Variants in ZNF500 observed in about 807,000 individuals in gnomAD.
ZNF500 encodes the protein zinc finger protein 500, also known as zinc finger protein with KRAB and SCAN domains 18.
In ZNF500, 31 loss-of-function variants were observed where a neutral mutation model predicts 30.1. The observed-to-expected ratio is 1.03, with a 90% confidence interval of 0.77 to 1.39. The LOEUF is 1.39. ZNF500 is among the 40% of genes most tolerant of loss of function. The probability of loss-of-function intolerance (pLI) is 0.00; values close to 1 mark genes in which losing one functional copy is unlikely to be tolerated. For missense variants in ZNF500, 817 were observed against 657.8 expected (o/e 1.24, Z -2.65); for synonymous variants, 392 against 282.0 (o/e 1.39, Z -3.91).
downstream of ZNF500, chr16:4,746,491 C>T: frequency 6.2e-7 from 1 of 1,613,738 alleles, no homozygotes; most frequent in Non-Finnish European, 8.5e-7. Context: ...ATGGAGCTAC[C>T]AGACCACCTG....
At chr16:4,747,688 G>GT (rs1389008000), downstream of ZNF500, 5 of 1,511,452 alleles carry the variant, frequency 3.3e-6, no homozygotes, top group African/African-American at 6.9e-5. Context: ...TGGACCCTGG[G>GT]CCCCGGTGTC....
rs185566068 is a variant in ZNF500, at chr16:4,749,944, G to A, written c.*2432C>T. 3.3e-3 allele frequency: 503 copies of A among 152,488 alleles called. 6 individuals carry two copies. Among genetic ancestry groups the A allele is most frequent in the Admixed American group, 0.012 (183 of 15,304 alleles). The allele number at this position is 152,488 out of a possible 1,614,324, so 9.4% of individuals were successfully genotyped here. On this transcript the variant is annotated 3_prime_UTR_variant, in exon 6 of 6. Coordinates refer to ENST00000219478, the MANE Select transcript of ZNF500 (RefSeq NM_021646.4). Reference sequence around the variant, plus strand: ...CTCCCATCACGTGAGTGCTGAGGATGACGCCCATGAGATGGGGCCAAGCAG... The same window carrying A: ...CTCCCATCACGTGAGTGCTGAGGATAACGCCCATGAGATGGGGCCAAGCAG...
chr16:4,764,996 T>A (rs1333824523), intron 2 of ZNF500, among the ~76,000 whole-genome samples: 1 of 151,472 alleles, frequency 6.6e-6, no homozygotes, highest in Non-Finnish European at 1.5e-5. Flanking sequence ...GCCGGACCTC[T>A]CTCCCACCAA....
chr16:4,747,288 G>A, downstream of ZNF500: 1 of 1,508,268 alleles, frequency 6.6e-7, no homozygotes, highest in Non-Finnish European at 8.9e-7. Flanking sequence ...AGTAAGGAGG[G>A]CTGGGAGGGG....
chr16:4,765,015 T>G (rs2082248781), intron 2 of ZNF500, among the ~76,000 whole-genome samples: 1 of 151,342 alleles, frequency 6.6e-6, no homozygotes, highest in Admixed American at 6.6e-5. Context: ...AAAACCTATG[T>G]TTGGGGCTGG....
rs754048578 is a variant in ZNF500, at chr16:4,765,694, C to T, written c.285G>A (p.Leu95=). 7 of 1,613,270 alleles carry T rather than the reference C, an allele frequency of 4.3e-6. No homozygotes were observed. The South Asian group carries it at 7.7e-5, about 18-fold the overall frequency. ...TKEQILELLV[L]EQFLTVLPGE... is the part of the protein sequence containing the mutation. ...CCGGCAGCACAGTCAGGAACTGCTC[C>T]AGCACCAGCAGCTCCAGGATCTGCT... The change falls in exon 2 of 6, where the codon CTG becomes CTA. Residue 95 remains leucine, a synonymous_variant. Coordinates refer to ENST00000219478, the MANE Select transcript of ZNF500 (RefSeq NM_021646.4).
rs780281616 is a variant in ZNF500, at chr16:4,752,974, C to T, written c.845G>A (p.Arg282Gln). The part of the protein sequence containing the change: ...RMEWYRVLSA[R>Q]CQGPGHPLPG... ...GAGCGGGTGGCCAGGCCCCTGGCAT[C>T]GTGCCGAGAGCACTCGGTACCACTC... is the stretch of plus-strand genomic sequence containing the variant. Residue 282 changes from arginine to glutamine, a missense_variant, in exon 6 of 6, where the codon CGA becomes CAA. Physicochemically the swap from Arg to Gln is conservative, Grantham distance 43 (BLOSUM62 1). Transcript: ENST00000219478. The T allele has an allele frequency of 2.7e-5, 44 of 1,606,094 alleles. No individual in the cohort carries two copies. Among genetic ancestry groups the T allele is most frequent in the Middle Eastern group, 1.6e-4 (1 of 6,066 alleles).
downstream of ZNF500, chr16:4,746,699 G>A (rs1034814044): frequency 3.4e-6 from 3 of 870,964 alleles, no homozygotes; most frequent in African/African-American, 1.7e-5. Context: ...AGGGGCATGA[G>A]GCACACCTCC....
At position 4,752,644 on chromosome 16, in the gene ZNF500, T is replaced by C. The variant is rs772345785; in HGVS notation, c.1175A>G (p.Gln392Arg). 2 of 1,612,402 alleles carry C rather than the reference T, an allele frequency of 1.2e-6. No individual in the cohort carries two copies. The highest frequency in any genetic ancestry group is 1.7e-6 in the Non-Finnish European group (2 of 1,179,326). The part of the protein sequence containing the change: ...PCPECGKRFS[Q>R]SSSLVIHRRT... ...GCGGTGGATGACCAGGCTGGAGCTCTGGCTGAAGCGCTTCCCACACTCGGG... is the reference window on the plus strand; with the variant it reads ...GCGGTGGATGACCAGGCTGGAGCTCCGGCTGAAGCGCTTCCCACACTCGGG... The change falls in exon 6 of 6, where the codon CAG becomes CGG. Residue 392 changes from glutamine (Q) to arginine (R), a missense_variant. Physicochemically the swap from Gln to Arg is conservative, Grantham distance 43. Coordinates refer to ENST00000219478, the MANE Select transcript of ZNF500 (RefSeq NM_021646.4).
At position 4,752,853 on chromosome 16, in the gene ZNF500, G is replaced by C. The variant is rs779237695; in HGVS notation, c.966C>G (p.Asp322Glu). 3 of 1,613,666 alleles carry C rather than the reference G, an allele frequency of 1.9e-6. No individual in the cohort carries two copies. The highest frequency in any genetic ancestry group is 1.7e-5 in the Admixed American group (1 of 59,948). Residue 322 changes from aspartate to glutamate, a missense_variant, in exon 6 of 6, where the codon GAC (aspartate) becomes GAG (glutamate). Coordinates refer to ENST00000219478, the MANE Select transcript of ZNF500 (RefSeq NM_021646.4). ...PPGRRASHGA[D>E]KPYTCPECGK... ...CACATTCGGGGCAGGTGTACGGCTT[G>C]TCAGCCCCATGGGAAGCCCGTCTTC...
At chr16:4,757,107 A>G (rs1053538506) in intron 5 of ZNF500, among the ~76,000 whole-genome samples, 2 of 152,236 alleles carry the variant, frequency 1.3e-5, no homozygotes, top group African/African-American at 4.8e-5. Context: ...ATGATTGTAC[A>G]ACACTGTGAA....
At chr16:4,746,938 G>A (rs765641369), downstream of ZNF500, 2 of 1,561,690 alleles carry the variant, frequency 1.3e-6, no homozygotes, top group Non-Finnish European at 1.7e-6. Flanking sequence ...TCCAGCCACA[G>A]CTCCTCTGAC....
chr16:4,746,912 T>A, downstream of ZNF500: 2 of 1,538,020 alleles, frequency 1.3e-6, no homozygotes, highest in Non-Finnish European at 1.7e-6. Flanking sequence ...CAGAAACCCA[T>A]TTCTCTCCCT....
chr16:4,751,489 G>A lies in ZNF500; in HGVS notation c.*887C>T. ...GTCTTCCGCCCTGCAGAGCAGCTATGGATCTGCAAAGGGGACTGGAATGCT... is the reference window on the plus strand; with the variant it reads ...GTCTTCCGCCCTGCAGAGCAGCTATAGATCTGCAAAGGGGACTGGAATGCT... On this transcript the variant is annotated 3_prime_UTR_variant, in exon 6 of 6. Coordinates refer to ENST00000219478, the MANE Select transcript of ZNF500 (RefSeq NM_021646.4). 1 of 1,313,288 alleles carries A rather than the reference G, an allele frequency of 7.6e-7. No homozygotes were observed. Among genetic ancestry groups the A allele is most frequent in the South Asian group, 1.4e-5 (1 of 69,578 alleles). The allele number at this position is 1,313,288 out of a possible 1,614,324, so 81.4% of individuals were successfully genotyped here.
downstream of ZNF500, chr16:4,747,564 G>A (rs769468323): frequency 6.2e-7 from 1 of 1,611,966 alleles, no homozygotes; most frequent in Admixed American, 1.7e-5. Flanking sequence ...AGAGCCCTGG[G>A]GGATGTTCCT....
intron 2 of ZNF500, among the ~76,000 whole-genome samples, chr16:4,764,791 GAA>G (rs34386241): frequency 0.028 from 3,745 of 131,968 alleles, 164 homozygotes; most frequent in African/African-American, 0.1. Flanking sequence ...CAAAAAAAAA[GAA>G]AAAAAAAAAA....
chr16:4,757,335 C>A (rs141543257), intron 5 of ZNF500, among the ~76,000 whole-genome samples: 1,826 of 152,158 alleles, frequency 0.012, 49 homozygotes, highest in African/African-American at 0.042. Context: ...TTTTTTGAGA[C>A]AGAGTCTCAC....
At chr16:4,759,113 G>A (rs1177716363) in intron 5 of ZNF500, among the ~76,000 whole-genome samples, 1 of 152,018 alleles carries the variant, frequency 6.6e-6, no homozygotes, top group Non-Finnish European at 1.5e-5. Context: ...GGGAGGCTGA[G>A]GCAGGAGAAT....
At chr16:4,744,881 C>G (rs1172907155), downstream of ZNF500, 2 of 1,612,932 alleles carry the variant, frequency 1.2e-6, no homozygotes, top group Non-Finnish European at 1.7e-6. Context: ...CCGCATGGTG[C>G]CGAGCGCCCA....
Sources: gnomAD v4.1 joint callset for allele counts (sites outside exome capture counted in the v4.1 genomes callset) on GRCh38, gnomAD v4.1.1 for gene constraint, MANE v1.5 for transcripts, NCBI Gene and HGNC (gene_info 2026-07-23, HGNC 2026-07-21) for gene names.